TVP23A: variants seen among roughly 807,000 people sequenced by gnomAD.
The protein encoded by TVP23A is Golgi apparatus membrane protein TVP23 homolog A.
TVP23A carries 21 observed loss-of-function variants against 31.7 expected under a neutral mutation model. That is an observed-to-expected ratio of 0.66 (90% CI 0.47 to 0.95). TVP23A has a LOEUF of 0.95. Ranked by LOEUF, TVP23A falls within the 40% of genes least tolerant of loss-of-function variation. The pLI, the probability that TVP23A is intolerant of heterozygous loss-of-function variation, is 0.00. For missense variants in TVP23A, 279 were observed against 255.6 expected, an observed-to-expected ratio of 1.09 and a Z score of -0.62; for synonymous variants, 104 against 96.0, an observed-to-expected ratio of 1.08 and a Z score of -0.49.
intron 7 of TVP23A, among the ~76,000 whole-genome samples, 157 bp downstream of exon 7, chr16:10,770,115 C>T (rs1030672278): frequency 6.6e-6 from 1 of 152,272 alleles, no homozygotes; most frequent in Non-Finnish European, 1.5e-5. Flanking sequence ...AAGCCCAGGG[C>T]AGGCCCATTG....
downstream of TVP23A, among the ~76,000 whole-genome samples, chr16:10,765,317 C>A (rs549657237): frequency 3.6e-5 from 5 of 140,342 alleles, no homozygotes; most frequent in South Asian, 2.3e-4. The surrounding 1 kb of genome is among the most constrained non-coding windows in gnomAD (Gnocchi z 4.0). Flanking sequence ...CAGGAAGATA[C>A]CTCATCTCTT....
chr16:10,762,330 C>A (rs1084543), downstream of TVP23A, among the ~76,000 whole-genome samples: 31,048 of 152,124 alleles, frequency 0.2, 4,061 homozygotes, highest in South Asian at 0.34. Flanking sequence ...CACTGGCCTG[C>A]GAGCAGGGGC....
At chr16:10,789,797 C>T (rs2142985713) in intron 2 of TVP23A, among the ~76,000 whole-genome samples, 1 of 148,890 alleles carries the variant, frequency 6.7e-6, no homozygotes, top group African/African-American at 2.5e-5. Flanking sequence ...TGCCACTGCA[C>T]TCCAGCCTGG....
rs4028816 is a variant in TVP23A, at chr16:10,780,089, A to AAATGAATG, written c.90-5001_90-4994dup. ...GGCGACAGAGTGAGACTCCATCTCAAAATGAATGAATGAATGAATGAATGA... is the reference window on the plus strand; with the variant it reads ...GGCGACAGAGTGAGACTCCATCTCAAAATGAATGAATGAATGAATGAATGAATGAATGA... On this transcript the variant is annotated intron_variant, in intron 2 of 7. Transcript: ENST00000299866. Among the ~76,000 whole-genome samples the AAATGAATG allele has an allele frequency of 2.8e-3, 411 of 149,080 alleles. 1 individual carries two copies. The highest frequency in any genetic ancestry group is 8.8e-3 in the African/African-American group (354 of 40,092).
chr16:10,762,025 G>C (rs2029994361), downstream of TVP23A: 4 of 574,864 alleles, frequency 7.0e-6, no homozygotes, highest in South Asian at 6.5e-5. Flanking sequence ...AGGCCACCGG[G>C]AGAGAGGCCG....
At chr16:10,802,278 GTGTGTGTA>G (rs1281107581) in intron 2 of TVP23A, among the ~76,000 whole-genome samples, 1,365 of 108,240 alleles carry the variant, frequency 0.013, 29 homozygotes, top group African/African-American at 0.079. Flanking sequence ...GTGTGTGTGT[GTGTGTGTA>G]TATGTGTGTG....
chr16:10,760,004 G>C (rs1900833336), downstream of TVP23A, among the ~76,000 whole-genome samples: 1 of 152,192 alleles, frequency 6.6e-6, no homozygotes, highest in Admixed American at 6.5e-5. Context: ...TGGGTACAGG[G>C]ATCTGTGATA....
At chr16:10,761,658 C>G (rs2029914518) in intron 8 of TVP23A, 1 of 1,052,482 alleles carries the variant, frequency 9.5e-7, no homozygotes, top group African/African-American at 1.6e-5. Flanking sequence ...CACATTCAAA[C>G]TAAGCCTTTT....
downstream of TVP23A, chr16:10,758,175 C>T (rs748269995): frequency 5.4e-6 from 5 of 919,114 alleles, no homozygotes; most frequent in Admixed American, 8.0e-5. Context: ...GCAGAAACCT[C>T]GTGTTAAAAA....
At chr16:10,782,470 C>A (rs2032485506) in intron 2 of TVP23A, among the ~76,000 whole-genome samples, 1 of 152,014 alleles carries the variant, frequency 6.6e-6, no homozygotes, top group African/African-American at 2.4e-5. Context: ...TCACCTGTGT[C>A]ATGAAGTTTT....
intron 2 of TVP23A, among the ~76,000 whole-genome samples, chr16:10,791,340 A>G (rs2033091553): frequency 6.6e-6 from 1 of 152,210 alleles, no homozygotes; most frequent in Admixed American, 6.5e-5. Context: ...CTTCTCTGCT[A>G]CTGATGTAGG....
At chr16:10,811,477 T>C (rs8053997) in intron 2 of TVP23A, among the ~76,000 whole-genome samples, 22,277 of 151,768 alleles carry the variant, frequency 0.15, 4,753 homozygotes, top group African/African-American at 0.47. Flanking sequence ...GCCATGTTGC[T>C]CAGGCTGGTC....
chr16:10,792,683 G>C (rs186137700), intron 2 of TVP23A, among the ~76,000 whole-genome samples: 5 of 152,350 alleles, frequency 3.3e-5, no homozygotes, highest in Non-Finnish European at 5.9e-5. Context: ...CTAACCCAGG[G>C]GATGAACCAT....
Position 10,818,450 on chromosome 16 carries a change from C to T in TVP23A, c.9+35G>A. ...GCTCCCGCAGGCTCCCCTCGTCCCG[C>T]CCCGCCTCCAGCCCCAGCATCCCCG... On this transcript the variant is annotated intron_variant, in intron 1 of 7. Coordinates refer to ENST00000299866, the MANE Select transcript of TVP23A (RefSeq NM_001079512.4). The surrounding 1 kb of genome is among the most constrained non-coding windows in gnomAD (Gnocchi z 4.7). 1 of 1,600,000 alleles carries T rather than the reference C, an allele frequency of 6.3e-7. No homozygotes were observed. Among genetic ancestry groups the T allele is most frequent in the Non-Finnish European group, 8.5e-7 (1 of 1,177,018 alleles).
chr16:10,786,726 CATTGGGAACCTGGTGATGACTGG>C (rs2032776024), intron 2 of TVP23A, among the ~76,000 whole-genome samples: 1 of 926 alleles, frequency 1.1e-3, no homozygotes, highest in Admixed American at 0.015. Flanking sequence ...TGGGGATGGG[CATTGGGAACCTGGTGATGACTGG>C]GGATGGGCAT....
chr16:10,796,299 C>T (rs2033384234), intron 2 of TVP23A, among the ~76,000 whole-genome samples: 1 of 152,024 alleles, frequency 6.6e-6, no homozygotes, highest in Non-Finnish European at 1.5e-5. Context: ...GTGATCATGC[C>T]ACTTGCACTC....
At chr16:10,816,288 C>CATA (rs1434893895) in intron 2 of TVP23A, among the ~76,000 whole-genome samples, 2 of 150,290 alleles carry the variant, frequency 1.3e-5, no homozygotes, top group Non-Finnish European at 3.0e-5. Context: ...TGACAGCCAC[C>CATA]ATATATGATG....
intron 2 of TVP23A, chr16:10,775,504 A>G (rs976337883): frequency 9.5e-6 from 10 of 1,053,044 alleles, no homozygotes; most frequent in Non-Finnish European, 1.1e-5. Flanking sequence ...GCTCACACGC[A>G]GCCCACGGGG....
At chr16:10,772,476 T>G (rs1401997422) in intron 5 of TVP23A, among the ~76,000 whole-genome samples, 2 of 151,604 alleles carry the variant, frequency 1.3e-5, no homozygotes, top group East Asian at 3.9e-4. Flanking sequence ...TTCAAGCGAT[T>G]CTCCTGCCTC....
Sources: gnomAD v4.1 joint callset for allele counts (sites outside exome capture counted in the v4.1 genomes callset) on GRCh38, gnomAD v4.1.1 for gene constraint, Gnocchi (gnomAD v3.1) non-coding constraint, MANE v1.5 for transcripts, NCBI Gene and HGNC (gene_info 2026-07-23, HGNC 2026-07-21) for gene names.